FOSL1: variants seen among roughly 807,000 people sequenced by gnomAD.
FOSL1 encodes FOS like 1, AP-1 transcription factor subunit, also known as fos-related antigen 1.
Under a neutral mutation model 24.9 loss-of-function variants are expected in FOSL1, and 14 were observed. That is an observed-to-expected ratio of 0.56 (90% CI 0.37 to 0.88). The LOEUF is 0.88. Among genes scored for constraint, FOSL1 ranks in the 40% least tolerant of loss-of-function variants. The pLI, the probability that FOSL1 is intolerant of heterozygous loss-of-function variation, is 0.00. For synonymous variants in FOSL1, 133 were observed against 145.1 expected (o/e 0.92, Z 0.60); for missense variants, 318 against 359.8 (o/e 0.88, Z 0.94).
intron 1 of FOSL1, among the ~76,000 whole-genome samples, chr11:65,899,989 C>G (rs1860631227): frequency 6.6e-6 from 1 of 152,200 alleles, no homozygotes. Flanking sequence ...AAAGCGGGCA[C>G]GGAGACGGAG....
At position 65,894,108 on chromosome 11, in the gene FOSL1, T is replaced by C. The variant is rs1317010542; in HGVS notation, c.311A>G (p.Glu104Gly). ...RRPCEQISPEEEERRRVRRER... is the reference protein window; with the variant it reads ...RRPCEQISPEGEERRRVRRER... ...GCGCCTTACTCGGCGGCGCTCCTCT[T>C]CCTCCGGGCTGATCTGGGGGTGAGA... is the stretch of plus-strand genomic sequence containing the variant. The change falls in exon 3 of 4, where the codon GAA becomes GGA. Residue 104 changes from glutamate to glycine, a missense_variant. Physicochemically the swap from Glu to Gly is moderately conservative, Grantham distance 98. Transcript: ENST00000312562. 6.2e-7 allele frequency: 1 copy of C among 1,605,526 alleles called. No individual in the cohort carries two copies. The highest frequency in any genetic ancestry group is 8.5e-7 in the Non-Finnish European group (1 of 1,178,794).
chr11:65,897,881 C>T (rs1252147741), intron 1 of FOSL1, among the ~76,000 whole-genome samples: 3 of 149,170 alleles, frequency 2.0e-5, no homozygotes, highest in Non-Finnish European at 4.4e-5. Flanking sequence ...TCAGGCCATT[C>T]CATTGCTTTT....
intron 1 of FOSL1, among the ~76,000 whole-genome samples, chr11:65,898,043 C>CTTTTTTTTT (rs1565290153): frequency 3.8e-5 from 3 of 79,656 alleles, no homozygotes; most frequent in South Asian, 3.9e-4. Flanking sequence ...TTTTTCTTTT[C>CTTTTTTTTT]TGTTTTTTTT....
intron 1 of FOSL1, among the ~76,000 whole-genome samples, chr11:65,899,232 A>T (rs543717149): frequency 3.9e-5 from 6 of 152,304 alleles, no homozygotes; most frequent in African/African-American, 1.4e-4. Context: ...AAGCGCCCAC[A>T]AGCCCAGGCA....
chr11:65,894,962 T>TTTCC (rs1860486760), intron 2 of FOSL1, among the ~76,000 whole-genome samples: 1 of 143,336 alleles, frequency 7.0e-6, no homozygotes, highest in African/African-American at 2.6e-5. Flanking sequence ...CGGCCTTTTT[T>TTTCC]TTTCTTTTTT....
Position 65,893,068 on chromosome 11 carries a change from G to C in FOSL1, c.634C>G (p.Pro212Ala). The C allele has an allele frequency of 6.2e-7, 1 of 1,611,636 alleles. No individual in the cohort carries two copies. The highest frequency in any genetic ancestry group is 8.5e-7 in the Non-Finnish European group (1 of 1,178,894). Residue 212 changes from proline (P) to alanine (A), a missense_variant, in exon 4 of 4, where the codon CCT becomes GCT. Coordinates refer to ENST00000312562, the MANE Select transcript of FOSL1 (RefSeq NM_005438.5). Reference sequence around the variant, plus strand: ...AGTGTGGGGGTGTGCAGTGCCTCAGGTTCAAGCACAGGCCCTGGGGAAAGG... The same window carrying C: ...AGTGTGGGGGTGTGCAGTGCCTCAGCTTCAAGCACAGGCCCTGGGGAAAGG... ...ISLSPGPVLE[P>A]EALHTPTLMT... is the part of the protein sequence containing the mutation.
At chr11:65,897,033 A>T in intron 1 of FOSL1, 27 bp from the exon 2 acceptor site, 1 of 1,578,500 alleles carries the variant, frequency 6.3e-7, no homozygotes. Flanking sequence ...GGAAGGCCAC[A>T]GATGAGGTCC....
At chr11:65,898,954 C>G (rs1472248045) in intron 1 of FOSL1, among the ~76,000 whole-genome samples, 1 of 109,454 alleles carries the variant, frequency 9.1e-6, no homozygotes, top group Non-Finnish European at 1.8e-5. Context: ...GAGGGAGACC[C>G]TGTCTCAGAA....
intron 2 of FOSL1, among the ~76,000 whole-genome samples, chr11:65,895,147 G>A (rs1343617713): frequency 6.1e-5 from 7 of 115,378 alleles, no homozygotes; most frequent in South Asian, 2.8e-4. Context: ...TTTTTGAGAC[G>A]GAGTCTCACT....
At chr11:65,898,868 G>C (rs949801561) in intron 1 of FOSL1, among the ~76,000 whole-genome samples, 8 of 150,862 alleles carry the variant, frequency 5.3e-5, no homozygotes, top group Admixed American at 3.3e-4. Context: ...TAGGATCTCA[G>C]TAGGATTGCT....
chr11:65,895,544 G>A (rs560123565), intron 2 of FOSL1, among the ~76,000 whole-genome samples: 2 of 152,316 alleles, frequency 1.3e-5, no homozygotes, highest in South Asian at 4.1e-4. Flanking sequence ...TCCACATTGA[G>A]TGACAGGCCA....
Position 65,900,279 on chromosome 11 carries a change from GGCCGCCGTACCC to G in FOSL1, c.49_60del (p.Gly17_Gly20del). Reference sequence around the variant, plus strand: ...TGCGCTGCGGCCGGGGGCTGCGCGGGGCCGCCGTACCCGCCGCCGTTCCCGGAGCTCGGGCCG... The same window carrying G: ...TGCGCTGCGGCCGGGGGCTGCGCGGGGCCGCCGTTCCCGGAGCTCGGGCCG... On this transcript the variant is annotated inframe_deletion, in exon 1 of 4. Transcript: ENST00000312562. 10 of 1,245,122 alleles carry G rather than the reference GGCCGCCGTACCC, an allele frequency of 8.0e-6. No individual in the cohort carries two copies. The highest frequency in any genetic ancestry group is 1.0e-5 in the Non-Finnish European group (10 of 994,666). 77.1% of individuals were successfully genotyped at this position (1,245,122 alleles called of 1,614,324 possible).
chr11:65,900,219 A>C, intron 1 of FOSL1, 22 bp downstream of exon 1: 1 of 1,175,328 alleles, frequency 8.5e-7, no homozygotes. Flanking sequence ...CCGTGGGACC[A>C]CCGGCGTCGG....
intron 3 of FOSL1, among the ~76,000 whole-genome samples, chr11:65,893,792 T>C (rs577525233): frequency 6.6e-6 from 1 of 151,800 alleles, no homozygotes; most frequent in Non-Finnish European, 1.5e-5. Context: ...AGCGAGACTC[T>C]GTCTCAAAAA....
Position 65,894,123 on chromosome 11 carries a change from TG to T in FOSL1, c.298-3del. The T allele has an allele frequency of 1.3e-6, 2 of 1,599,164 alleles. No homozygotes were observed. Among genetic ancestry groups the T allele is most frequent in the Non-Finnish European group, 1.7e-6 (2 of 1,176,292 alleles). ...GCGCTCCTCTTCCTCCGGGCTGATC[TG>T]GGGGTGAGACCCGCAGTGAGGAGGA... On this transcript the variant is annotated splice_region_variant and splice_polypyrimidine_tract_variant and intron_variant, in intron 2 of 3. Coordinates refer to ENST00000312562, the MANE Select transcript of FOSL1 (RefSeq NM_005438.5).
intron 1 of FOSL1, among the ~76,000 whole-genome samples, chr11:65,899,407 G>T (rs1175651131): frequency 6.6e-6 from 1 of 152,204 alleles, no homozygotes; most frequent in East Asian, 1.9e-4. Context: ...CCGTGACTCG[G>T]CCGCCGTGAC....
At chr11:65,894,210 C>T (rs922976744) in intron 2 of FOSL1, 89 bp from the exon 3 acceptor site, 1 of 940,480 alleles carries the variant, frequency 1.1e-6, no homozygotes, top group Non-Finnish European at 1.6e-6. Flanking sequence ...AGGACCCTGG[C>T]AGAGGTCATG....
rs541463918 is a variant in FOSL1 at position 65,898,988 on chromosome 11, A to C, written c.99+1253T>G. On this transcript the variant is annotated intron_variant, in intron 1 of 3. Transcript: ENST00000312562. The stretch of plus-strand genomic sequence containing the variant: ...AAAAAAAAAAAAAAAGAAAAGAAAG[A>C]GAAGGAAAGAAAATTAGTGGCATAA... 1.7e-4 allele frequency among the ~76,000 whole-genome samples: 25 copies of C among 143,268 alleles called. No homozygotes were observed. In the South Asian group the frequency reaches 5.6e-3, roughly 32 times the overall value. 94.0% of individuals were successfully genotyped at this position (143,268 alleles called of 152,430 possible).
At position 65,896,893 on chromosome 11, in the gene FOSL1, A is replaced by AGG; in HGVS notation, c.211_212dup (p.Gln72LeufsTer40). The AGG allele has an allele frequency of 1.2e-6, 2 of 1,613,836 alleles. No homozygotes were observed. Among genetic ancestry groups the AGG allele is most frequent in the Non-Finnish European group, 1.7e-6 (2 of 1,179,840 alleles). On this transcript the variant is annotated frameshift_variant, in exon 2 of 4. Transcript: ENST00000312562. LOFTEE classifies it high-confidence loss of function. ...GCCGGGGTTGTGGGGGGCTGTACTG[A>AGG]GGGTAGGTCAGAGGCCTGGGGTAAC...
Sources: gnomAD v4.1 joint callset for allele counts (sites outside exome capture counted in the v4.1 genomes callset) on GRCh38, gnomAD v4.1.1 for gene constraint, MANE v1.5 for transcripts, NCBI Gene and HGNC (gene_info 2026-07-23, HGNC 2026-07-21) for gene names.